RIOK3: variants seen among roughly 807,000 people sequenced by gnomAD.
RIOK3 encodes serine/threonine-protein kinase RIO3.
In RIOK3, 40 loss-of-function variants were observed where a neutral mutation model predicts 63.5. The observed-to-expected ratio is 0.63, with a 90% confidence interval of 0.49 to 0.82. RIOK3 has a LOEUF of 0.82. Ranked by LOEUF, RIOK3 falls within the 40% of genes least tolerant of loss-of-function variation. The pLI is 0.00. For synonymous variants in RIOK3, 193 were observed against 205.0 expected, an observed-to-expected ratio of 0.94 and a Z score of 0.50; for missense variants, 557 against 637.0, an observed-to-expected ratio of 0.87 and a Z score of 1.35.
intron 7 of RIOK3, among the ~76,000 whole-genome samples, chr18:23,469,022 T>C (rs2145686411): frequency 6.6e-6 from 1 of 152,332 alleles, no homozygotes; most frequent in East Asian, 1.9e-4. Flanking sequence ...CTCAACTCCT[T>C]GAGGCCCCTG....
At chr18:23,477,938 A>G (rs2057504174) in intron 11 of RIOK3, among the ~76,000 whole-genome samples, 1 of 148,894 alleles carries the variant, frequency 6.7e-6, no homozygotes, top group African/African-American at 2.5e-5. Context: ...TGGGTGCGGT[A>G]GCGTGTGCCT....
Position 23,477,102 on chromosome 18 carries a change from T to C in RIOK3, c.1254+16T>C. 1 of 1,613,352 alleles carries C rather than the reference T, an allele frequency of 6.2e-7. No homozygotes were observed. Among genetic ancestry groups the C allele is most frequent in the Non-Finnish European group, 8.5e-7 (1 of 1,179,280 alleles). ...TGCTGGAAAGGTGAGGAGCACATTT[T>C]GTTAACATTCAGATTTAATTACTGT... On this transcript the variant is annotated intron_variant, in intron 10 of 12. Coordinates refer to ENST00000339486, the MANE Select transcript of RIOK3 (RefSeq NM_003831.5).
chr18:23,457,463 A>G (rs770227827), intron 1 of RIOK3, among the ~76,000 whole-genome samples: 1 of 152,244 alleles, frequency 6.6e-6, no homozygotes, highest in African/African-American at 2.4e-5. Context: ...CAGAAAAAGG[A>G]TGTTAGAGAA....
chr18:23,481,108 C>G, intron 12 of RIOK3, 64 bp from the exon 13 acceptor site: 4 of 1,250,424 alleles, frequency 3.2e-6, no homozygotes, highest in Non-Finnish European at 4.6e-6. Context: ...CTAGCACAAT[C>G]TAAAATATGG....
chr18:23,471,781 G>A (rs1021218961), intron 7 of RIOK3, among the ~76,000 whole-genome samples: 34 of 152,110 alleles, frequency 2.2e-4, no homozygotes, highest in African/African-American at 2.4e-5. Flanking sequence ...ACCGTTTGAC[G>A]AGGTGAGAGC....
At chr18:23,462,942 G>GTTATTTT in intron 1 of RIOK3, 22 bp from the exon 2 acceptor site, 2 of 1,149,168 alleles carry the variant, frequency 1.7e-6, no homozygotes, top group Non-Finnish European at 2.4e-6. Flanking sequence ...GAATTGAGCT[G>GTTATTTT]TTCTTTTTTC....
intron 5 of RIOK3, 108 bp from the exon 6 acceptor site, chr18:23,466,025 G>A (rs1438632945): frequency 9.5e-6 from 7 of 734,244 alleles, no homozygotes; most frequent in Non-Finnish European, 1.5e-5. Flanking sequence ...GTTTTCTAGT[G>A]TGATCATCTA....
chr18:23,467,720 C>A, intron 7 of RIOK3, 194 bp downstream of exon 7: 1 of 299,844 alleles, frequency 3.3e-6, no homozygotes, highest in Non-Finnish European at 6.1e-6. Flanking sequence ...CAGAGATAAT[C>A]ATTAATAATT....
chr18:23,473,629 A>G lies in RIOK3; in HGVS notation c.1013+3A>G, dbSNP rs763944482. On this transcript the variant is annotated splice_donor_region_variant and intron_variant, in intron 8 of 12. Coordinates refer to ENST00000339486, the MANE Select transcript of RIOK3 (RefSeq NM_003831.5). ...AAAGAAATGCACAATCTCGCAAGGT[A>G]AAGAAAATATTGTGCTAGACGTAAT... is the stretch of plus-strand genomic sequence containing the variant. The G allele has an allele frequency of 6.2e-7, 1 of 1,607,844 alleles. No individual in the cohort carries two copies. Among genetic ancestry groups the G allele is most frequent in the Admixed American group, 1.7e-5 (1 of 59,636 alleles).
At chr18:23,464,416 T>G (rs1328311374) in intron 4 of RIOK3, 103 bp downstream of exon 4, 1 of 1,166,014 alleles carries the variant, frequency 8.6e-7, no homozygotes, top group African/African-American at 1.6e-5. Flanking sequence ...GAATCTCATT[T>G]GGTAATTTAC....
In RIOK3 at chr18:23,462,142, A is replaced by ATTTTT. The variant is rs368584198; in HGVS notation, c.64-811_64-807dup. Among the ~76,000 whole-genome samples the ATTTTT allele has an allele frequency of 3.6e-3, 404 of 112,854 alleles. 11 individuals carry two copies. Among genetic ancestry groups the ATTTTT allele is most frequent in the Middle Eastern group, 8.2e-3 (1 of 122 alleles). 74.0% of individuals were successfully genotyped at this position (112,854 alleles called of 152,430 possible). A position where few individuals can be genotyped will look rare whatever the true frequency, so the allele number is the denominator to read the frequency against. Reference sequence around the variant, plus strand: ...AAAAAATGTGTTGTTTGTTCTTGCTATTTTTTTTTTTTTTTGGCAGGGGGT... The same window carrying ATTTTT: ...AAAAAATGTGTTGTTTGTTCTTGCTATTTTTTTTTTTTTTTTTTTTGGCAGGGGGT... On this transcript the variant is annotated intron_variant, in intron 1 of 12. Coordinates refer to ENST00000339486, the MANE Select transcript of RIOK3 (RefSeq NM_003831.5).
Position 23,464,001 on chromosome 18 carries a change from A to G in RIOK3, c.214A>G (p.Ile72Val), listed in dbSNP as rs1317821277. The change falls in exon 3 of 13, where the codon ATT (isoleucine) becomes GTT (valine). Residue 72 changes from isoleucine to valine, a missense_variant. Around this residue, in one of 3 missense-constraint regions of RIOK3, gnomAD observed 243 missense variants for 275.4 expected, o/e 0.88. Transcript: ENST00000339486. ...AEGPFITGEN[I>V]DTSSDLMLAQ... is the part of the protein sequence containing the mutation. ...AGGACCATTTATTACTGGAGAAAAC[A>G]TTGATACTTCCAGTGACCTTATGCT... 13 of 1,611,684 alleles carry G rather than the reference A, an allele frequency of 8.1e-6. No homozygotes were observed. The highest frequency in any genetic ancestry group is 2.2e-5 in the East Asian group (1 of 44,872).
intron 7 of RIOK3, among the ~76,000 whole-genome samples, chr18:23,469,331 CTCT>C (rs2057433834): frequency 7.9e-5 from 1 of 12,582 alleles, no homozygotes; most frequent in Non-Finnish European, 1.5e-4. Context: ...CTCTCTCTCT[CTCT>C]CTCCCCCTCT....
chr18:23,454,808 T>C (rs1403789870), intron 1 of RIOK3, among the ~76,000 whole-genome samples: 8 of 152,242 alleles, frequency 5.3e-5, no homozygotes, highest in Non-Finnish European at 1.0e-4. Context: ...AGACGCTCTA[T>C]TGGGAGGACA....
intron 11 of RIOK3, chr18:23,478,941 A>G: frequency 5.4e-6 from 1 of 186,786 alleles, no homozygotes; most frequent in Non-Finnish European, 1.1e-5. Context: ...GGCAGGATGG[A>G]TGTGTGAGAG....
chr18:23,477,124 C>T, intron 10 of RIOK3, 38 bp downstream of exon 10: 1 of 1,610,450 alleles, frequency 6.2e-7, no homozygotes, highest in Non-Finnish European at 8.5e-7. Flanking sequence ...GATTTAATTA[C>T]TGTAAGTAAA....
intron 11 of RIOK3, among the ~76,000 whole-genome samples, chr18:23,478,621 ATATATATATATATATATATATAT>A (rs2057509924): frequency 6.8e-4 from 2 of 2,940 alleles, no homozygotes; most frequent in South Asian, 0.05. Context: ...ATATATATAT[ATATATATATATATATATATATAT>A]ATATATATAT....
intron 5 of RIOK3, among the ~76,000 whole-genome samples, chr18:23,465,734 A>G (rs1438271261): frequency 6.6e-6 from 1 of 152,218 alleles, no homozygotes; most frequent in Non-Finnish European, 1.5e-5. Flanking sequence ...CATAATTGTC[A>G]TGGTGTGAAC....
At chr18:23,478,205 A>G (rs907063691) in intron 11 of RIOK3, among the ~76,000 whole-genome samples, 1 of 152,028 alleles carries the variant, frequency 6.6e-6, no homozygotes, top group Non-Finnish European at 1.5e-5. Flanking sequence ...TGCTGCCATT[A>G]TTACCATTAA....
Sources: allele counts gnomAD v4.1 joint callset (sites outside exome capture counted in the v4.1 genomes callset), GRCh38; gene constraint gnomAD v4.1.1; regional missense constraint gnomAD v4.1.1; transcripts MANE v1.5; gene names NCBI Gene and HGNC (gene_info 2026-07-23, HGNC 2026-07-21).